Variants in BHMT observed in about 807,000 individuals in gnomAD.
BHMT encodes the protein betaine--homocysteine S-methyltransferase, also known as betaine--homocysteine S-methyltransferase 1.
A neutral mutation model predicts 49.5 loss-of-function variants in BHMT; 38 were observed. The observed-to-expected ratio is 0.77, with a 90% confidence interval of 0.59 to 1.01. The LOEUF (loss-of-function observed/expected upper bound fraction) is 1.01. Ranked by LOEUF, BHMT falls within the 50% of genes least tolerant of loss-of-function variation. The pLI is 0.00. For missense variants in BHMT, 426 were observed against 495.7 expected (o/e 0.86, Z 1.34); for synonymous variants, 166 against 176.3 (o/e 0.94, Z 0.46).
intron 1 of BHMT, among the ~76,000 whole-genome samples, chr5:79,115,281 C>T (rs1487560386): frequency 4.1e-5 from 6 of 147,562 alleles, no homozygotes; most frequent in Admixed American, 2.0e-4. Context: ...CCTCTGGGCA[C>T]ATAGTGAGAT....
chr5:79,117,321 G>A (rs1053349014), intron 2 of BHMT, among the ~76,000 whole-genome samples: 1 of 152,096 alleles, frequency 6.6e-6, no homozygotes, highest in East Asian at 1.9e-4. Flanking sequence ...TTTATTCCTA[G>A]TGTCCAGAAA....
At chr5:79,112,286 C>G (rs987866297) in intron 1 of BHMT, among the ~76,000 whole-genome samples, 1 of 152,234 alleles carries the variant, frequency 6.6e-6, no homozygotes, top group Non-Finnish European at 1.5e-5. Flanking sequence ...TCCGAGCCTT[C>G]CAATATCTTC....
intron 2 of BHMT, among the ~76,000 whole-genome samples, chr5:79,117,363 C>T (rs1756400950): frequency 6.6e-6 from 1 of 152,102 alleles, no homozygotes; most frequent in South Asian, 2.1e-4. Flanking sequence ...CCCTCTCCAG[C>T]CACAGCAGCT....
chr5:79,112,997 A>G (rs1319103099), intron 1 of BHMT, among the ~76,000 whole-genome samples: 1 of 152,212 alleles, frequency 6.6e-6, no homozygotes, highest in African/African-American at 2.4e-5. Context: ...TCTGGGCTGT[A>G]AGGACAGTGA....
intron 1 of BHMT, among the ~76,000 whole-genome samples, chr5:79,112,282 C>G (rs1352702493): frequency 6.6e-6 from 1 of 152,246 alleles, no homozygotes; most frequent in African/African-American, 2.4e-5. Context: ...GAACTCCGAG[C>G]CTTCCAATAT....
chr5:79,115,838 G>C lies in BHMT; in HGVS notation c.105G>C (p.Lys35Asn). ...GDGGFVFALEKRGYVKAGPWT... is the reference protein window; with the variant it reads ...GDGGFVFALENRGYVKAGPWT... Reference sequence around the variant, plus strand: ...GAGGGTTTGTCTTTGCACTGGAGAAGAGGGGCTACGTAAAGGCAGGACCCT... The same window carrying C: ...GAGGGTTTGTCTTTGCACTGGAGAACAGGGGCTACGTAAAGGCAGGACCCT... The change falls in exon 2 of 8, where the codon AAG becomes AAC. Residue 35 changes from lysine to asparagine, a missense_variant. This residue lies in a region of BHMT where 321 missense variants were observed against 355.9 expected (regional missense o/e 0.90). Transcript: ENST00000274353. 6.2e-7 allele frequency: 1 copy of C among 1,614,124 alleles called. No homozygotes were observed. The highest frequency in any genetic ancestry group is 2.2e-5 in the East Asian group (1 of 44,876).
chr5:79,121,231 T>C lies in BHMT; in HGVS notation c.491T>C (p.Val164Ala). 2 of 1,614,088 alleles carry C rather than the reference T, an allele frequency of 1.2e-6. No homozygotes were observed. The highest frequency in any genetic ancestry group is 1.7e-6 in the Non-Finnish European group (2 of 1,179,996). The part of the protein sequence containing the change: ...DFLIAEYFEH[V>A]EEAVWAVETL... The stretch of plus-strand genomic sequence containing the variant: ...AACTGATTCCAGTATTTTGAACACG[T>C]TGAAGAAGCTGTGTGGGCAGTTGAA... Residue 164 changes from valine to alanine, a missense_variant, in exon 5 of 8, where the codon GTT becomes GCT. Val to Ala is a moderately conservative substitution (Grantham distance 64, BLOSUM62 0). Around this residue, in one of 3 missense-constraint regions of BHMT, gnomAD observed 321 missense variants for 355.9 expected, o/e 0.90. Coordinates refer to ENST00000274353, the MANE Select transcript of BHMT (RefSeq NM_001713.3).
chr5:79,121,166 A>T (rs1477683100), intron 4 of BHMT, 52 bp from the exon 5 acceptor site: 11 of 1,562,640 alleles, frequency 7.0e-6, no homozygotes, highest in Admixed American at 1.9e-5. Flanking sequence ...AAAAAAAAAA[A>T]TTGTTTTGGG....
intron 2 of BHMT, 198 bp downstream of exon 2, chr5:79,116,097 A>G (rs751917997): frequency 1.4e-5 from 7 of 484,132 alleles, no homozygotes; most frequent in Non-Finnish European, 2.0e-5. Context: ...GCACTCCTGT[A>G]GTCCCAGCTA....
At chr5:79,120,883 T>C (rs1236680634) in intron 4 of BHMT, among the ~76,000 whole-genome samples, 1 of 152,214 alleles carries the variant, frequency 6.6e-6, no homozygotes, top group Non-Finnish European at 1.5e-5. Flanking sequence ...CTGGGCACGG[T>C]GGCTCACACC....
intron 5 of BHMT, among the ~76,000 whole-genome samples, chr5:79,121,937 C>T (rs1561254191): frequency 6.6e-6 from 1 of 150,708 alleles, no homozygotes; most frequent in African/African-American, 2.4e-5. Flanking sequence ...AAGCAGATAT[C>T]TTGTTTTGTT....
At position 79,121,272 on chromosome 5, in the gene BHMT, G is replaced by T. The variant is rs548757864; in HGVS notation, c.532G>T (p.Gly178Cys). Residue 178 changes from glycine (G) to cysteine (C), a missense_variant, in exon 5 of 8, where the codon GGT (glycine) becomes TGT (cysteine). By Grantham distance (159) the Gly-to-Cys change is radical (BLOSUM62 -3). Transcript: ENST00000274353. ...VWAVETLIAS[G>C]KPVAATMCIG... ...GGCAGTTGAAACCTTGATAGCATCCGGTAAACCTGTGGCAGCAACCATGTG... is the reference window on the plus strand; with the variant it reads ...GGCAGTTGAAACCTTGATAGCATCCTGTAAACCTGTGGCAGCAACCATGTG... 1.5e-5 allele frequency: 25 copies of T among 1,614,066 alleles called. No homozygotes were observed. Among genetic ancestry groups the T allele is most frequent in the Non-Finnish European group, 1.9e-5 (23 of 1,180,030 alleles).
rs762015001 is a variant in BHMT at position 79,126,207 on chromosome 5, G to C, written c.787G>C (p.Asp263His). 1.9e-6 allele frequency: 3 copies of C among 1,613,472 alleles called. No individual in the cohort carries two copies. The highest frequency in any genetic ancestry group is 2.5e-6 in the Non-Finnish European group (3 of 1,179,738). ...TGACTGCAACAAGCAGGGATTCATC[G>C]ATCTCCCAGAATTCCCATTTGGTAA... ...TPDCNKQGFI[D>H]LPEFPFGLEP... Residue 263 changes from aspartate to histidine, a missense_variant, in exon 6 of 8, where the codon GAT (aspartate) becomes CAT (histidine). Coordinates refer to ENST00000274353, the MANE Select transcript of BHMT (RefSeq NM_001713.3).
In BHMT at chr5:79,111,893, C is replaced by T; in HGVS notation, c.8C>T (p.Pro3Leu). The T allele has an allele frequency of 6.2e-7, 1 of 1,611,668 alleles. No individual in the cohort carries two copies. The highest frequency in any genetic ancestry group is 8.5e-7 in the Non-Finnish European group (1 of 1,178,932). Residue 3 changes from proline (P) to leucine (L), a missense_variant, in exon 1 of 8, where the codon CCC becomes CTC. By Grantham distance (98) the Pro-to-Leu change is moderately conservative. Coordinates refer to ENST00000274353, the MANE Select transcript of BHMT (RefSeq NM_001713.3). MP[P>L]VGGKKAKKGI... ...TGTCTGGACACCACGAAGATGCCAC[C>T]CGTTGGGGGCAAAAAGGCCAAGAAG...
intron 4 of BHMT, 54 bp downstream of exon 4, chr5:79,120,595 A>T (rs1319349090): frequency 1.3e-6 from 2 of 1,502,552 alleles, no homozygotes; most frequent in Non-Finnish European, 1.8e-6. Flanking sequence ...CATTTTCTCT[A>T]CCTTTTGCTT....
At chr5:79,127,733 G>A (rs1229675879) in intron 6 of BHMT, 22 bp from the exon 7 acceptor site, 2 of 1,612,552 alleles carry the variant, frequency 1.2e-6, no homozygotes, top group South Asian at 2.2e-5. Context: ...AATGCCTAAT[G>A]GCATAATGCC....
rs138578732 is a variant in BHMT, at chr5:79,131,366, G to C, written c.*250G>C. 2 of 386,058 alleles carry C rather than the reference G, an allele frequency of 5.2e-6. No individual in the cohort carries two copies. Among genetic ancestry groups the C allele is most frequent in the Non-Finnish European group, 9.3e-6 (2 of 215,636 alleles). 23.9% of individuals were successfully genotyped at this position (386,058 alleles called of 1,614,324 possible). ...TCACTAAGCACCCACCCTGTGAAAA[G>C]TATTATGGAAATCACTGCTGCACAG... On this transcript the variant is annotated 3_prime_UTR_variant, in exon 8 of 8. Transcript: ENST00000274353.
chr5:79,131,239 A>C lies in BHMT; in HGVS notation c.*123A>C. ...CCATCCTACACATATTATTGCTATT[A>C]CCTGAACAAAATAGAATTACAAATA... On this transcript the variant is annotated 3_prime_UTR_variant, in exon 8 of 8. Coordinates refer to ENST00000274353, the MANE Select transcript of BHMT (RefSeq NM_001713.3). 1 of 919,514 alleles carries C rather than the reference A, an allele frequency of 1.1e-6. No individual in the cohort carries two copies. The highest frequency in any genetic ancestry group is 1.6e-6 in the Non-Finnish European group (1 of 631,828). The allele number at this position is 919,514 out of a possible 1,614,324, so 57.0% of individuals were successfully genotyped here.
In BHMT at chr5:79,120,364, T is replaced by C. The variant is rs760321372; in HGVS notation, c.300T>C (p.Asn100=). 2.7e-5 allele frequency: 43 copies of C among 1,611,282 alleles called. 1 individual carries two copies. In the South Asian group the frequency reaches 4.8e-4, roughly 18 times the overall value. The stretch of plus-strand genomic sequence containing the variant: ...ACCCATTTTAGGGGCAGGAAGTCAA[T>C]GAAGCTGCTTGCGACATCGCCCGAC... The part of the protein sequence containing the change: ...VLEKISGQEV[N]EAACDIARQV... The change falls in exon 4 of 8, where the codon AAT becomes AAC. Residue 100 remains asparagine, a synonymous_variant. Coordinates refer to ENST00000274353, the MANE Select transcript of BHMT (RefSeq NM_001713.3).
Sources: gnomAD v4.1 joint callset for allele counts (sites outside exome capture counted in the v4.1 genomes callset) on GRCh38, gnomAD v4.1.1 for gene constraint, gnomAD v4.1.1 regional missense constraint, MANE v1.5 for transcripts, NCBI Gene and HGNC (gene_info 2026-07-23, HGNC 2026-07-21) for gene names.